The following HCFC2 variants were observed in gnomAD, a reference collection of about 807,000 sequenced individuals.
The protein encoded by HCFC2 is host cell factor 2.
Under a neutral mutation model 89.2 loss-of-function variants are expected in HCFC2, and 18 were observed. The ratio of observed to expected loss-of-function variants is 0.20; its 90% confidence interval spans 0.14 to 0.30. The LOEUF is 0.30. Ranked by LOEUF, HCFC2 falls within the 10% of genes least tolerant of loss-of-function variation. The pLI is 1.00. For missense variants in HCFC2, 578 were observed against 956.1 expected (o/e 0.60, Z 5.21); for synonymous variants, 308 against 335.7 (o/e 0.92, Z 0.90).
intron 2 of HCFC2, 85 bp downstream of exon 2, chr12:104,066,400 A>G (rs878923132): frequency 1.1e-6 from 1 of 931,754 alleles, no homozygotes; most frequent in South Asian, 1.8e-5. Flanking sequence ...CATTACTAAC[A>G]TTGTTTAACA....
intron 7 of HCFC2, 57 bp downstream of exon 7, chr12:104,082,958 T>A: frequency 3.9e-6 from 5 of 1,292,834 alleles, no homozygotes; most frequent in Non-Finnish European, 4.3e-6. Flanking sequence ...CTCAAATGTC[T>A]GCCTTTTGAG....
At position 104,066,153 on chromosome 12, in the gene HCFC2, A is replaced by G. The variant is rs370945077; in HGVS notation, c.164-14A>G. 12 of 1,610,534 alleles carry G rather than the reference A, an allele frequency of 7.5e-6. No homozygotes were observed. Among genetic ancestry groups the G allele is most frequent in the Non-Finnish European group, 9.3e-6 (11 of 1,178,894 alleles). On this transcript the variant is annotated splice_polypyrimidine_tract_variant and intron_variant, in intron 1 of 14. Coordinates refer to ENST00000229330, the MANE Select transcript of HCFC2 (RefSeq NM_013320.3). ...GTTTGTTATAATCGGTTTTCATTTT[A>G]TTTTGGCAACTAGCTACGAATCAGT... is the stretch of plus-strand genomic sequence containing the variant.
intron 3 of HCFC2, among the ~76,000 whole-genome samples, chr12:104,075,008 T>C (rs1883450314): frequency 6.6e-6 from 1 of 152,136 alleles, no homozygotes; most frequent in South Asian, 2.1e-4. Flanking sequence ...TAATTTTTAG[T>C]AATTTTTTTT....
intron 3 of HCFC2, among the ~76,000 whole-genome samples, chr12:104,078,309 G>A (rs1209727868): frequency 6.6e-6 from 1 of 152,124 alleles, no homozygotes; most frequent in Non-Finnish European, 1.5e-5. Flanking sequence ...CCTATTCAAA[G>A]TATTCTTAGA....
In HCFC2 at chr12:104,068,190, A is replaced by G; in HGVS notation, c.473+83A>G. 1 of 1,221,826 alleles carries G rather than the reference A, an allele frequency of 8.2e-7. No homozygotes were observed. Among genetic ancestry groups the G allele is most frequent in the South Asian group, 1.7e-5 (1 of 59,552 alleles). The allele number at this position is 1,221,826 out of a possible 1,614,324, so 75.7% of individuals were successfully genotyped here. The stretch of plus-strand genomic sequence containing the variant: ...ATTTTTTCCATCTTTAATTTTTAAA[A>G]GGGATGATGCTTAGCTTTTTGCATT... On this transcript the variant is annotated intron_variant, in intron 3 of 14. Transcript: ENST00000229330. This position sits in a 1 kb window ranked among gnomAD's most constrained non-coding sequence, Gnocchi z 4.1.
chr12:104,084,843 A>C (rs1883788592), intron 7 of HCFC2, among the ~76,000 whole-genome samples: 2 of 152,196 alleles, frequency 1.3e-5, no homozygotes, highest in African/African-American at 4.8e-5. Context: ...ACTGGTTGAT[A>C]ATTTGTGTGG....
intron 8 of HCFC2, among the ~76,000 whole-genome samples, chr12:104,087,512 A>C (rs1883905713): frequency 6.8e-6 from 1 of 147,584 alleles, no homozygotes; most frequent in Admixed American, 6.8e-5. Flanking sequence ...CATACACTGC[A>C]GAAAAGTCTG....
chr12:104,103,549 T>C lies in HCFC2; in HGVS notation c.*276T>C. 2.7e-6 allele frequency: 1 copy of C among 371,646 alleles called. No individual in the cohort carries two copies. The highest frequency in any genetic ancestry group is 5.3e-5 in the East Asian group (1 of 18,796). 23.0% of individuals were successfully genotyped at this position (371,646 alleles called of 1,614,324 possible). ...TTAAGATAAAAGCTAGAAAGCTTTA[T>C]TACCCCAATATCTTTTATAAGGGCT... On this transcript the variant is annotated 3_prime_UTR_variant, in exon 15 of 15. Transcript: ENST00000229330.
At chr12:104,087,914 TA>T in intron 8 of HCFC2, 71 bp from the exon 9 acceptor site, 1 of 835,134 alleles carries the variant, frequency 1.2e-6, no homozygotes, top group Non-Finnish European at 1.8e-6. Flanking sequence ...TATGTAACTT[TA>T]AAAATATTTA....
At chr12:104,084,538 G>A (rs141055597) in intron 7 of HCFC2, among the ~76,000 whole-genome samples, 231 of 152,286 alleles carry the variant, frequency 1.5e-3, no homozygotes, top group Admixed American at 2.4e-3. Flanking sequence ...AGGAATGGAG[G>A]TTAGAGAGAT....
intron 2 of HCFC2, among the ~76,000 whole-genome samples, chr12:104,067,506 C>T (rs1268280695): frequency 2.0e-5 from 3 of 152,222 alleles, no homozygotes; most frequent in Non-Finnish European, 4.4e-5. Flanking sequence ...CTAAAGAAAA[C>T]ATCCATGGCC....
At position 104,102,033 on chromosome 12, in the gene HCFC2, A is replaced by G. The variant is rs766013164; in HGVS notation, c.1944A>G (p.Gly648=). 8 of 1,613,994 alleles carry G rather than the reference A, an allele frequency of 5.0e-6. No homozygotes were observed. Among genetic ancestry groups the G allele is most frequent in the Non-Finnish European group, 6.8e-6 (8 of 1,179,912 alleles). The change falls in exon 14 of 15, where the codon GGA becomes GGG. Residue 648 remains glycine (G), a synonymous_variant. Coordinates refer to ENST00000229330, the MANE Select transcript of HCFC2 (RefSeq NM_013320.3). The part of the protein sequence containing the change: ...LKKQDLVPGT[G]YRFRVAAING... Reference sequence around the variant, plus strand: ...AACAAGATCTTGTTCCAGGCACAGGATACAGATTCAGGGTTGCTGCAATCA... The same window carrying G: ...AACAAGATCTTGTTCCAGGCACAGGGTACAGATTCAGGGTTGCTGCAATCA...
At position 104,103,361 on chromosome 12, in the gene HCFC2, G is replaced by A; in HGVS notation, c.*88G>A. The A allele has an allele frequency of 9.0e-7, 1 of 1,106,704 alleles. No individual in the cohort carries two copies. The highest frequency in any genetic ancestry group is 1.3e-6 in the Non-Finnish European group (1 of 775,972). 68.6% of individuals were successfully genotyped at this position (1,106,704 alleles called of 1,614,324 possible). On this transcript the variant is annotated 3_prime_UTR_variant, in exon 15 of 15. Transcript: ENST00000229330. ...TTGTCATTTAAAAGAGTATTCTCTG[G>A]CTGTATTTCCAGCAGTTATGAACTT...
chr12:104,079,351 A>G lies in HCFC2; in HGVS notation c.474-94A>G, dbSNP rs1883611584. ...CCTTTCTGTACTATATGAACTTTTC[A>G]CAGTAAGCACATTTTATCTTTATAA... On this transcript the variant is annotated intron_variant, in intron 3 of 14. Transcript: ENST00000229330. 3 of 1,026,360 alleles carry G rather than the reference A, an allele frequency of 2.9e-6. No homozygotes were observed. The Admixed American group carries it at 8.1e-5, about 28-fold the overall frequency. The allele number at this position is 1,026,360 out of a possible 1,614,324, so 63.6% of individuals were successfully genotyped here.
At position 104,095,407 on chromosome 12, in the gene HCFC2, G is replaced by A. The variant is rs1884145953; in HGVS notation, c.1510G>A (p.Val504Ile). The A allele has an allele frequency of 2.5e-6, 4 of 1,613,674 alleles. No individual in the cohort carries two copies. Among genetic ancestry groups the A allele is most frequent in the Admixed American group, 1.7e-5 (1 of 60,014 alleles). ...NVGVLSSCLD[V>I]RTVIPETSVS... is the part of the protein sequence containing the mutation. ...AGGTGTTCTAAGTAGTTGCCTGGAT[G>A]TAAGAACAGTAATTCCTGAAACATC... is the stretch of plus-strand genomic sequence containing the variant. The change falls in exon 11 of 15, where the codon GTA becomes ATA. Residue 504 changes from valine to isoleucine, a missense_variant. Physicochemically the swap from Val to Ile is conservative, Grantham distance 29. Transcript: ENST00000229330. The surrounding 1 kb of genome is among the most constrained non-coding windows in gnomAD (Gnocchi z 4.2).
At chr12:104,087,904 T>A (rs1883915838) in intron 8 of HCFC2, 82 bp from the exon 9 acceptor site, 3 of 732,468 alleles carry the variant, frequency 4.1e-6, no homozygotes, top group Non-Finnish European at 6.2e-6. Context: ...TAAACTTTAA[T>A]ATGTAACTTT....
intron 9 of HCFC2, among the ~76,000 whole-genome samples, chr12:104,091,382 G>A (rs1174842714): frequency 6.6e-6 from 1 of 152,098 alleles, no homozygotes; most frequent in African/African-American, 2.4e-5. Flanking sequence ...TGGGCCCTGG[G>A]GCACAAATGG....
intron 9 of HCFC2, among the ~76,000 whole-genome samples, chr12:104,088,768 T>C (rs1387284231): frequency 6.6e-6 from 1 of 152,202 alleles, no homozygotes; most frequent in Non-Finnish European, 1.5e-5. Context: ...TCATACAGTT[T>C]GTAAGTAGCC....
Position 104,102,113 on chromosome 12 carries a change from C to T in HCFC2, c.2024C>T (p.Pro675Leu). The change falls in exon 14 of 15, where the codon CCT (proline) becomes CTT (leucine). Residue 675 changes from proline (P) to leucine (L), a missense_variant. Around this residue, in one of 4 missense-constraint regions of HCFC2, gnomAD observed 140 missense variants for 266.4 expected, o/e 0.53. Transcript: ENST00000229330. Reference protein sequence around the residue: ...SKISEFKTCIPGFPGAPSAVR... With the variant: ...SKISEFKTCILGFPGAPSAVR... Reference sequence around the variant, plus strand: ...ATCAGTGAATTTAAAACTTGTATTCCTGGTTTTCCTGGAGCTCCTTCTGCA... The same window carrying T: ...ATCAGTGAATTTAAAACTTGTATTCTTGGTTTTCCTGGAGCTCCTTCTGCA... 1 of 1,613,596 alleles carries T rather than the reference C, an allele frequency of 6.2e-7. No homozygotes were observed. Among genetic ancestry groups the T allele is most frequent in the Non-Finnish European group, 8.5e-7 (1 of 1,179,724 alleles).
Sources: allele counts gnomAD v4.1 joint callset (sites outside exome capture counted in the v4.1 genomes callset), GRCh38; gene constraint gnomAD v4.1.1; regional missense constraint gnomAD v4.1.1; non-coding constraint Gnocchi (gnomAD v3.1); transcripts MANE v1.5; gene names NCBI Gene and HGNC (gene_info 2026-07-23, HGNC 2026-07-21).